Variants in IGSF3 observed in about 807,000 individuals in gnomAD.
The protein encoded by IGSF3 is immunoglobulin superfamily member 3, also known as glu-Trp-Ile EWI motif-containing protein 3.
IGSF3 carries 23 observed loss-of-function variants against 114.4 expected under a neutral mutation model. The observed-to-expected ratio is 0.20, with a 90% CI of 0.14 to 0.28. The LOEUF (loss-of-function observed/expected upper bound fraction) is 0.28. Among genes scored for constraint, IGSF3 ranks in the 10% least tolerant of loss-of-function variants. IGSF3 has a pLI of 1.00. For synonymous variants in IGSF3, 571 were observed against 645.2 expected (o/e 0.88, Z 1.74); for missense variants, 1,172 against 1,591.5 (o/e 0.74, Z 4.48).
At chr1:116,630,656 C>G (rs1189327822) in intron 2 of IGSF3, among the ~76,000 whole-genome samples, 3 of 152,208 alleles carry the variant, frequency 2.0e-5, no homozygotes, top group Non-Finnish European at 2.9e-5. Context: ...AAGACCCAAT[C>G]TTTACAGTCT....
Position 116,625,533 on chromosome 1 carries a change from G to C in IGSF3, c.44-9076C>G, listed in dbSNP as rs1263264364. On this transcript the variant is annotated intron_variant, in intron 2 of 10. Transcript: ENST00000369486. This position sits in a 1 kb window ranked among gnomAD's most constrained non-coding sequence, Gnocchi z 4.7. The stretch of plus-strand genomic sequence containing the variant: ...AAAGTCAAACACCTCCTCTGGGACT[G>C]GGGAAGTTGAGAAAGAGCCTAACAG... Among the ~76,000 whole-genome samples, 1 of 152,232 alleles carries C rather than the reference G, an allele frequency of 6.6e-6. No individual in the cohort carries two copies. Among genetic ancestry groups the C allele is most frequent in the Non-Finnish European group, 1.5e-5 (1 of 68,048 alleles).
chr1:116,579,805 C>T lies in IGSF3; in HGVS notation c.2921G>A (p.Cys974Tyr), dbSNP rs1659523298. ...CTGGCTGGAGCGGGACACGATGCTA[C>T]AGTCCAGCTGGAAAGCTGCCTTCTC... Reference protein sequence around the residue: ...VSEKAAFQLDCSIVSRSSQDS... With the variant: ...VSEKAAFQLDYSIVSRSSQDS... The change falls in exon 10 of 11, where the codon TGT becomes TAT. Residue 974 changes from cysteine to tyrosine, a missense_variant. Cys to Tyr is a radical substitution (Grantham distance 194). Around this residue, in one of 3 missense-constraint regions of IGSF3, gnomAD observed 423 missense variants for 509.8 expected, o/e 0.83. Transcript: ENST00000369486. This position sits in a 1 kb window ranked among gnomAD's most constrained non-coding sequence, Gnocchi z 6.4. 6.2e-7 allele frequency: 1 copy of T among 1,613,966 alleles called. No homozygotes were observed. The highest frequency in any genetic ancestry group is 8.5e-7 in the Non-Finnish European group (1 of 1,180,006).
chr1:116,635,998 G>A (rs2079774), intron 2 of IGSF3, among the ~76,000 whole-genome samples: 1 of 152,150 alleles, frequency 6.6e-6, no homozygotes. Context: ...TGCCCAATAA[G>A]TGTTTGTGGG....
chr1:116,639,697 A>G (rs1317313041), intron 2 of IGSF3, among the ~76,000 whole-genome samples: 1 of 152,224 alleles, frequency 6.6e-6, no homozygotes, highest in African/African-American at 2.4e-5. Flanking sequence ...GTGTCTGGAA[A>G]ATATCAGGAG....
At position 116,607,479 on chromosome 1, in the gene IGSF3, T is replaced by C. The variant is rs1660835208; in HGVS notation, c.1222+463A>G. 6.6e-6 allele frequency among the ~76,000 whole-genome samples: 1 copy of C among 152,238 alleles called. No individual in the cohort carries two copies. The highest frequency in any genetic ancestry group is 1.5e-5 in the Non-Finnish European group (1 of 68,038). ...AGCCTTTATACCTGAAAAACCCAGA[T>C]GGCAAATCCTTAATAATGCACTTTA... is the stretch of plus-strand genomic sequence containing the variant. On this transcript the variant is annotated intron_variant, in intron 5 of 10. Transcript: ENST00000369486. This position sits in a 1 kb window ranked among gnomAD's most constrained non-coding sequence, Gnocchi z 6.1.
chr1:116,600,015 T>C lies in IGSF3; in HGVS notation c.1955A>G (p.Lys652Arg), dbSNP rs1164218118. ...TCGCGTCCAGGTGTTGTTGTAGTTC[T>C]TCCGCCACAGCTCTGCCACACACTG... Reference protein sequence around the residue: ...KYQCVAELWRKNYNNTWTRLA... With the variant: ...KYQCVAELWRRNYNNTWTRLA... The change falls in exon 7 of 11, where the codon AAG becomes AGG. Residue 652 changes from lysine (K) to arginine (R), a missense_variant. By Grantham distance (26) the Lys-to-Arg change is conservative (BLOSUM62 2). Coordinates refer to ENST00000369486, the MANE Select transcript of IGSF3 (RefSeq NM_001007237.3). This position sits in a 1 kb window ranked among gnomAD's most constrained non-coding sequence, Gnocchi z 5.5. 1 of 1,614,228 alleles carries C rather than the reference T, an allele frequency of 6.2e-7. No individual in the cohort carries two copies. The highest frequency in any genetic ancestry group is 8.5e-7 in the Non-Finnish European group (1 of 1,180,048).
At chr1:116,643,666 T>C (rs1648211502) in intron 2 of IGSF3, among the ~76,000 whole-genome samples, 1 of 152,212 alleles carries the variant, frequency 6.6e-6, no homozygotes, top group Non-Finnish European at 1.5e-5. Flanking sequence ...GGGTGTGAGC[T>C]TGGCCTTCTG....
At position 116,616,497 on chromosome 1, in the gene IGSF3, T is replaced by G. The variant is rs4044848; in HGVS notation, c.44-40A>C. On this transcript the variant is annotated intron_variant, in intron 2 of 10. Transcript: ENST00000369486. The surrounding 1 kb of genome is among the most constrained non-coding windows in gnomAD (Gnocchi z 6.6). ...AACACACACAACATGCTTACTTACT[T>G]CTCAGACCAAAATGCAAAGTAGCCA... 6 of 1,542,124 alleles carry G rather than the reference T, an allele frequency of 3.9e-6. No individual in the cohort carries two copies. Among genetic ancestry groups the G allele is most frequent in the Non-Finnish European group, 4.4e-6 (5 of 1,140,672 alleles).
rs1482255278 is a variant in IGSF3 at position 116,657,793 on chromosome 1, T to G, written c.43+8491A>C. On this transcript the variant is annotated intron_variant, in intron 2 of 10. Transcript: ENST00000369486. The surrounding 1 kb of genome is among the most constrained non-coding windows in gnomAD (Gnocchi z 4.2). ...AGGCCGCAGACTGCATTCTGAAGCA[T>G]CAGACAATGGGTCACATGCAAAAAC... is the stretch of plus-strand genomic sequence containing the variant. 6.6e-6 allele frequency among the ~76,000 whole-genome samples: 1 copy of G among 152,142 alleles called. No homozygotes were observed. Among genetic ancestry groups the G allele is most frequent in the Non-Finnish European group, 1.5e-5 (1 of 68,036 alleles).
rs1661128702 is a variant in IGSF3, at chr1:116,614,120, C to A, written c.477G>T (p.Glu159Asp). Residue 159 changes from glutamate (E) to aspartate (D), a missense_variant, in exon 4 of 11, where the codon GAG becomes GAT. By Grantham distance (45) the Glu-to-Asp change is conservative. This residue lies in a region of IGSF3 where 736 missense variants were observed against 1,042.0 expected (regional missense o/e 0.71). Transcript: ENST00000369486. This position sits in a 1 kb window ranked among gnomAD's most constrained non-coding sequence, Gnocchi z 4.5. ...TAMPQTLHRV[E>D]QDPLELTCEV... Reference sequence around the variant, plus strand: ...CACAAGTGAGCTCCAGCGGGTCCTGCTCCACTCTGTGCAGAGTCTGGGGCA... The same window carrying A: ...CACAAGTGAGCTCCAGCGGGTCCTGATCCACTCTGTGCAGAGTCTGGGGCA... The A allele has an allele frequency of 6.2e-7, 1 of 1,613,868 alleles. No homozygotes were observed.
rs2101069577 is a variant in IGSF3 at position 116,650,706 on chromosome 1, T to C, written c.43+15578A>G. Reference sequence around the variant, plus strand: ...TTCCCCTCACTTGCCACCCCCATCCTGTGCTGGCAGATAAGGATGCTCAAC... The same window carrying C: ...TTCCCCTCACTTGCCACCCCCATCCCGTGCTGGCAGATAAGGATGCTCAAC... On this transcript the variant is annotated intron_variant, in intron 2 of 10. Transcript: ENST00000369486. The surrounding 1 kb of genome is among the most constrained non-coding windows in gnomAD (Gnocchi z 5.0). 6.6e-6 allele frequency among the ~76,000 whole-genome samples: 1 copy of C among 152,378 alleles called. No individual in the cohort carries two copies. The highest frequency in any genetic ancestry group is 2.4e-5 in the African/African-American group (1 of 41,586).
In IGSF3 at chr1:116,577,594, G is replaced by T; in HGVS notation, c.3335-32C>A. 2 of 1,608,744 alleles carry T rather than the reference G, an allele frequency of 1.2e-6. No individual in the cohort carries two copies. Among genetic ancestry groups the T allele is most frequent in the Non-Finnish European group, 8.5e-7 (1 of 1,177,414 alleles). Reference sequence around the variant, plus strand: ...AGAATCATGAGAGAGACAAGACAATGAGGGCTGAGAACCTGGACTGCTCAC... The same window carrying T: ...AGAATCATGAGAGAGACAAGACAATTAGGGCTGAGAACCTGGACTGCTCAC... On this transcript the variant is annotated intron_variant, in intron 10 of 10. Coordinates refer to ENST00000369486, the MANE Select transcript of IGSF3 (RefSeq NM_001007237.3). The surrounding 1 kb of genome is among the most constrained non-coding windows in gnomAD (Gnocchi z 5.7).
rs1161176591 is a variant in IGSF3, at chr1:116,618,421, T to C, written c.44-1964A>G. Among the ~76,000 whole-genome samples, 1 of 152,210 alleles carries C rather than the reference T, an allele frequency of 6.6e-6. No individual in the cohort carries two copies. The highest frequency in any genetic ancestry group is 1.5e-5 in the Non-Finnish European group (1 of 68,034). ...ATGCACTGAATAACATTTCAATCAA[T>C]GAGGAAACACATGTGCAACAGTGAT... is the stretch of plus-strand genomic sequence containing the variant. On this transcript the variant is annotated intron_variant, in intron 2 of 10. Transcript: ENST00000369486. This position sits in a 1 kb window ranked among gnomAD's most constrained non-coding sequence, Gnocchi z 4.7.
Position 116,624,436 on chromosome 1 carries a change from T to C in IGSF3, c.44-7979A>G, listed in dbSNP as rs563070248. Among the ~76,000 whole-genome samples the C allele has an allele frequency of 4.6e-5, 7 of 152,322 alleles. No homozygotes were observed. The South Asian group carries it at 1.5e-3, about 32-fold the overall frequency. ...TAATTGTCACAGCGTTATGGAAGGATTAAATGAGTTGCTACATTTAAAACT... is the reference window on the plus strand; with the variant it reads ...TAATTGTCACAGCGTTATGGAAGGACTAAATGAGTTGCTACATTTAAAACT... On this transcript the variant is annotated intron_variant, in intron 2 of 10. Coordinates refer to ENST00000369486, the MANE Select transcript of IGSF3 (RefSeq NM_001007237.3). This position sits in a 1 kb window ranked among gnomAD's most constrained non-coding sequence, Gnocchi z 4.9.
Position 116,624,510 on chromosome 1 carries a change from G to C in IGSF3, c.44-8053C>G, listed in dbSNP as rs1571169172. ...CTCAATAAATGTTTAGCCACTAGTT[G>C]CAGTAGTAGCAATAGTAGTGATATT... On this transcript the variant is annotated intron_variant, in intron 2 of 10. Transcript: ENST00000369486. This position sits in a 1 kb window ranked among gnomAD's most constrained non-coding sequence, Gnocchi z 4.9. Among the ~76,000 whole-genome samples the C allele has an allele frequency of 1.3e-5, 2 of 152,322 alleles. No individual in the cohort carries two copies. Among genetic ancestry groups the C allele is most frequent in the South Asian group, 4.1e-4 (2 of 4,828 alleles).
At chr1:116,620,494 G>A (rs1476093006) in intron 2 of IGSF3, among the ~76,000 whole-genome samples, 1 of 152,198 alleles carries the variant, frequency 6.6e-6, no homozygotes, top group East Asian at 1.9e-4. Flanking sequence ...CTCAGACCTT[G>A]CCCTATGCAC....
At chr1:116,617,453 A>T (rs1486077501) in intron 2 of IGSF3, 2 of 677,382 alleles carry the variant, frequency 3.0e-6, no homozygotes, top group Non-Finnish European at 3.6e-6. Flanking sequence ...TTACAGGCGC[A>T]GCTTTGCCAC....
At chr1:116,621,895 C>T (rs1278068395) in intron 2 of IGSF3, among the ~76,000 whole-genome samples, 3 of 152,194 alleles carry the variant, frequency 2.0e-5, no homozygotes, top group Non-Finnish European at 4.4e-5. Flanking sequence ...TTCAAAGATG[C>T]TCCCACTTTT....
At position 116,585,130 on chromosome 1, in the gene IGSF3, A is replaced by G; in HGVS notation, c.2441-78T>C. ...ACGCACCCTTTCCCAGGGTAGGTGA[A>G]TGGATGCCTTCCAAATACAGAAGGA... On this transcript the variant is annotated intron_variant, in intron 8 of 10. Coordinates refer to ENST00000369486, the MANE Select transcript of IGSF3 (RefSeq NM_001007237.3). This position sits in a 1 kb window ranked among gnomAD's most constrained non-coding sequence, Gnocchi z 4.9. The G allele has an allele frequency of 8.9e-7, 1 of 1,120,988 alleles. No homozygotes were observed. The highest frequency in any genetic ancestry group is 2.1e-4 in the Middle Eastern group (1 of 4,870). 69.4% of individuals were successfully genotyped at this position (1,120,988 alleles called of 1,614,324 possible).
Sources: allele counts gnomAD v4.1 joint callset (sites outside exome capture counted in the v4.1 genomes callset), GRCh38; gene constraint gnomAD v4.1.1; regional missense constraint gnomAD v4.1.1; non-coding constraint Gnocchi (gnomAD v3.1); transcripts MANE v1.5; gene names NCBI Gene and HGNC (gene_info 2026-07-23, HGNC 2026-07-21).